THTPA: variants seen among roughly 807,000 people sequenced by gnomAD.
THTPA encodes the protein thiamine-triphosphatase.
THTPA carries 16 observed loss-of-function variants against 16.5 expected under a neutral mutation model. The observed-to-expected ratio is 0.97, with a 90% confidence interval of 0.66 to 1.47. THTPA has a LOEUF of 1.47. Among genes scored for constraint, THTPA ranks in the 40% most tolerant of loss-of-function variants. The pLI is 0.00. For synonymous variants in THTPA, 110 were observed against 115.5 expected (o/e 0.95, Z 0.30); for missense variants, 281 against 280.9 (o/e 1.00, Z 0.00).
the THTPA span, chr14:23,530,094 C>CT: frequency 6.5e-7 from 1 of 1,528,152 alleles, no homozygotes; most frequent in Non-Finnish European, 8.8e-7. Flanking sequence ...GGTAGGAGGA[C>CT]TGGGGGGAAG....
the THTPA span, among the ~76,000 whole-genome samples, chr14:23,545,951 C>T: frequency 6.6e-6 from 1 of 152,242 alleles, no homozygotes; most frequent in African/African-American, 2.4e-5. Flanking sequence ...CCTCTGCCCT[C>T]CTTCACTGAG....
At chr14:23,523,825 A>G in the THTPA span, 3 of 1,536,236 alleles carry the variant, frequency 2.0e-6, no homozygotes, top group Admixed American at 5.9e-5. The surrounding 1 kb of genome is among the most constrained non-coding windows in gnomAD (Gnocchi z 4.1). Flanking sequence ...ATTCTGGTTC[A>G]GCTAGGCTGG....
upstream of THTPA, among the ~76,000 whole-genome samples, chr14:23,554,457 C>T (rs1595207869): frequency 6.6e-6 from 1 of 152,252 alleles, no homozygotes; most frequent in South Asian, 2.1e-4. Flanking sequence ...TAGCTCACTG[C>T]CCTTGACCTC....
the THTPA span, chr14:23,531,497 C>T: frequency 1.4e-6 from 2 of 1,434,814 alleles, no homozygotes; most frequent in Non-Finnish European, 1.8e-6. Context: ...TCCGGAGCTG[C>T]CCGTGGCTGA....
At chr14:23,547,286 C>T in the THTPA span, among the ~76,000 whole-genome samples, 1 of 152,342 alleles carries the variant, frequency 6.6e-6, no homozygotes, top group Non-Finnish European at 1.5e-5. Flanking sequence ...TTAATAATTA[C>T]CTGGCTTGGG....
At chr14:23,523,869 G>T in the THTPA span, 1 of 1,536,210 alleles carries the variant, frequency 6.5e-7, no homozygotes, top group Non-Finnish European at 8.7e-7. This position sits in a 1 kb window ranked among gnomAD's most constrained non-coding sequence, Gnocchi z 4.1. Context: ...CCTGCAGAGA[G>T]ACTGCAAGCC....
chr14:23,559,932 G>A lies in THTPA; in HGVS notation c.*1092G>A, dbSNP rs955671575. 6.2e-7 allele frequency: 1 copy of A among 1,612,178 alleles called. No individual in the cohort carries two copies. The highest frequency in any genetic ancestry group is 1.3e-5 in the African/African-American group (1 of 75,000). On this transcript the variant is annotated 3_prime_UTR_variant, in exon 2 of 2. Coordinates refer to ENST00000288014, the MANE Select transcript of THTPA (RefSeq NM_024328.6). ...GTCTTGTCTTGGGGGAACTCCTGAA[G>A]CTCACCTTGTTAGGATTGAGGATTC...
At chr14:23,522,938 G>T in the THTPA span, 2 of 1,441,088 alleles carry the variant, frequency 1.4e-6, no homozygotes, top group Non-Finnish European at 1.8e-6. Flanking sequence ...GGAGGCTGCC[G>T]GGCCTAGAAA....
At chr14:23,523,895 G>A in the THTPA span, 5 of 1,536,238 alleles carry the variant, frequency 3.3e-6, no homozygotes, top group Non-Finnish European at 3.5e-6. The surrounding 1 kb of genome is among the most constrained non-coding windows in gnomAD (Gnocchi z 4.1). Flanking sequence ...CTCTGGAGAA[G>A]CTTTAGGTGG....
At chr14:23,522,099 C>T in the THTPA span, 4 of 1,535,454 alleles carry the variant, frequency 2.6e-6, no homozygotes, top group Non-Finnish European at 3.5e-6. Context: ...GGTGGGCCCC[C>T]TTGAGGTGGG....
chr14:23,525,789 G>C, the THTPA span: 1 of 1,491,602 alleles, frequency 6.7e-7, no homozygotes, highest in Non-Finnish European at 8.9e-7. The surrounding 1 kb of genome is among the most constrained non-coding windows in gnomAD (Gnocchi z 5.9). Context: ...GACAGCACAG[G>C]TGCAGGCCCA....
At chr14:23,522,106 T>C in the THTPA span, 1 of 1,534,750 alleles carries the variant, frequency 6.5e-7, no homozygotes, top group Non-Finnish European at 8.7e-7. Flanking sequence ...CCCCTTGAGG[T>C]GGGGCTGCCT....
At chr14:23,534,748 G>A in the THTPA span, 2 of 1,536,208 alleles carry the variant, frequency 1.3e-6, no homozygotes, top group Non-Finnish European at 8.7e-7. This position sits in a 1 kb window ranked among gnomAD's most constrained non-coding sequence, Gnocchi z 4.5. Flanking sequence ...AGATGGTGCT[G>A]AGGTATCATG....
chr14:23,522,197 T>A, the THTPA span: 1 of 1,488,598 alleles, frequency 6.7e-7, no homozygotes, highest in South Asian at 1.3e-5. Flanking sequence ...CAGGCAGTGG[T>A]AGGTGCAGAT....
chr14:23,516,174 G>C, the THTPA span, among the ~76,000 whole-genome samples: 1 of 152,160 alleles, frequency 6.6e-6, no homozygotes, highest in Non-Finnish European at 1.5e-5. Context: ...GTTGGTCTTA[G>C]GTGTGGTCCA....
At chr14:23,513,215 A>G in the THTPA span, 2 of 152,294 alleles carry the variant, frequency 1.3e-5, no homozygotes, top group East Asian at 1.9e-4. Flanking sequence ...CCATTCTCCC[A>G]GCTCCATCGG....
chr14:23,557,113 C>T lies in THTPA; in HGVS notation c.356C>T (p.Ala119Val), dbSNP rs1478580992. The change falls in exon 1 of 2, where the codon GCT becomes GTT. Residue 119 changes from alanine (A) to valine (V), a missense_variant. Ala to Val is a moderately conservative substitution (Grantham distance 64, BLOSUM62 0). Coordinates refer to ENST00000288014, the MANE Select transcript of THTPA (RefSeq NM_024328.6). ...VLGPLGLQEVASFVTKRSAWK... is the reference protein window; with the variant it reads ...VLGPLGLQEVVSFVTKRSAWK... ...GGCCCACTGGGGCTGCAGGAAGTAG[C>T]TAGTTTTGTGACTAAGCGGAGTGCC... 1 of 1,614,174 alleles carries T rather than the reference C, an allele frequency of 6.2e-7. No homozygotes were observed. Among genetic ancestry groups the T allele is most frequent in the South Asian group, 1.1e-5 (1 of 91,086 alleles).
At chr14:23,522,157 T>G in the THTPA span, 1 of 1,509,814 alleles carries the variant, frequency 6.6e-7, no homozygotes, top group East Asian at 2.5e-5. Context: ...AGGCTAGGGC[T>G]TCACGCCCAC....
the THTPA span, chr14:23,532,789 A>G: frequency 2.0e-6 from 3 of 1,536,406 alleles, no homozygotes; most frequent in South Asian, 2.4e-5. Context: ...CATGTTTGTC[A>G]GTCTTGAGGT....
Sources: gnomAD v4.1 joint callset for allele counts (sites outside exome capture counted in the v4.1 genomes callset) on GRCh38, gnomAD v4.1.1 for gene constraint, Gnocchi (gnomAD v3.1) non-coding constraint, MANE v1.5 for transcripts, NCBI Gene and HGNC (gene_info 2026-07-23, HGNC 2026-07-21) for gene names.